The following GTF2E2 variants were observed in gnomAD, a reference collection of about 807,000 sequenced individuals.
GTF2E2 encodes general transcription factor IIE subunit 2.
Under a neutral mutation model 40.5 loss-of-function variants are expected in GTF2E2, and 21 were observed. The observed-to-expected ratio is 0.52, with a 90% CI of 0.37 to 0.75. The LOEUF (loss-of-function observed/expected upper bound fraction) is 0.75, where lower values mean the gene tolerates loss of function less well. Among genes scored for constraint, GTF2E2 ranks in the 30% least tolerant of loss-of-function variants. The probability of loss-of-function intolerance (pLI) is 0.00; values close to 1 mark genes in which losing one functional copy is unlikely to be tolerated. For missense variants in GTF2E2, 298 were observed against 338.4 expected (o/e 0.88, Z 0.94); for synonymous variants, 117 against 121.6 (o/e 0.96, Z 0.25).
At chr8:30,624,966 T>C (rs1223460426) in intron 3 of GTF2E2, among the ~76,000 whole-genome samples, 1 of 55,060 alleles carries the variant, frequency 1.8e-5, no homozygotes. Flanking sequence ...AGGGACAATT[T>C]GACTTCCTCT....
chr8:30,601,177 G>A (rs1264554215), intron 6 of GTF2E2, among the ~76,000 whole-genome samples: 1 of 152,140 alleles, frequency 6.6e-6, no homozygotes, highest in Non-Finnish European at 1.5e-5. Flanking sequence ...AGCACCGTGT[G>A]AACACCAAAA....
intron 6 of GTF2E2, among the ~76,000 whole-genome samples, chr8:30,602,871 G>A (rs1483007794): frequency 6.6e-6 from 1 of 151,686 alleles, no homozygotes; most frequent in East Asian, 1.9e-4. Flanking sequence ...CTGGATACTC[G>A]CCTTACAGTC....
chr8:30,635,107 T>C lies in GTF2E2; in HGVS notation c.183A>G (p.Ser61=), dbSNP rs1312531103. 1.3e-6 allele frequency: 2 copies of C among 1,599,716 alleles called. No homozygotes were observed. The change falls in exon 3 of 8, where the codon TCA becomes TCG. Residue 61 remains serine, a synonymous_variant. Transcript: ENST00000355904. ...TTCCTGACAAAGCTTTCAAGTTAAA[T>C]GATCCATTGCTATGATCTGCAAATG... ...SKQNSDHSNG[S]FNLKALSGSS...
intron 1 of GTF2E2, among the ~76,000 whole-genome samples, chr8:30,654,206 GT>G (rs1802383355): frequency 1.3e-5 from 2 of 151,964 alleles, no homozygotes; most frequent in Admixed American, 6.6e-5. Flanking sequence ...CATGTGAAAT[GT>G]GGCTAGTTAA....
At chr8:30,642,970 T>C (rs1391271648) in intron 2 of GTF2E2, among the ~76,000 whole-genome samples, 3 of 152,170 alleles carry the variant, frequency 2.0e-5, no homozygotes, top group Non-Finnish European at 4.4e-5. Flanking sequence ...TTTTTGGAAA[T>C]GGGAGTTTCA....
chr8:30,613,087 C>A (rs1829526001), intron 4 of GTF2E2, among the ~76,000 whole-genome samples: 1 of 152,154 alleles, frequency 6.6e-6, no homozygotes, highest in South Asian at 2.1e-4. Context: ...AAGCTGAACC[C>A]ATATTCTTCT....
At chr8:30,632,433 T>C (rs557724802) in intron 3 of GTF2E2, among the ~76,000 whole-genome samples, 64 of 152,304 alleles carry the variant, frequency 4.2e-4, no homozygotes, top group African/African-American at 1.4e-3. Flanking sequence ...GCTAGTTGGT[T>C]TGACAATGGA....
chr8:30,624,637 G>C (rs1226713283), intron 3 of GTF2E2, among the ~76,000 whole-genome samples: 3 of 151,746 alleles, frequency 2.0e-5, no homozygotes, highest in African/African-American at 7.3e-5. Context: ...ATTCTTCCTA[G>C]CCATGAGCAT....
chr8:30,581,995 AGACT>A (rs1828527593), intron 6 of GTF2E2, among the ~76,000 whole-genome samples: 2 of 152,194 alleles, frequency 1.3e-5, no homozygotes, highest in South Asian at 2.1e-4. Flanking sequence ...TAGACAAGAC[AGACT>A]GTTTTCTTTT....
chr8:30,645,150 A>G (rs1802019962), intron 2 of GTF2E2: 9 of 806,794 alleles, frequency 1.1e-5, no homozygotes, highest in Non-Finnish European at 1.7e-5. Context: ...AAAATTCAAA[A>G]CTACCATTTA....
intron 3 of GTF2E2, among the ~76,000 whole-genome samples, chr8:30,622,992 T>C (rs1349214616): frequency 6.6e-6 from 1 of 152,030 alleles, no homozygotes; most frequent in Non-Finnish European, 1.5e-5. Context: ...ACATACATCC[T>C]CCTCAGCTGA....
rs1828422312 is a variant in GTF2E2 at position 30,578,592 on chromosome 8, G to A, written c.*329C>T. Reference sequence around the variant, plus strand: ...ACAAATATTGCATTCAAGACTATGGGCAAACTTGCTCTAAAGTAACAAACG... The same window carrying A: ...ACAAATATTGCATTCAAGACTATGGACAAACTTGCTCTAAAGTAACAAACG... On this transcript the variant is annotated 3_prime_UTR_variant, in exon 8 of 8. Transcript: ENST00000355904. 1.1e-5 allele frequency: 2 copies of A among 183,070 alleles called. No homozygotes were observed. The highest frequency in any genetic ancestry group is 1.4e-4 in the East Asian group (1 of 7,002). The allele number at this position is 183,070 out of a possible 1,614,324, so 11.3% of individuals were successfully genotyped here. A position where few individuals can be genotyped will look rare whatever the true frequency, so the allele number is the denominator to read the frequency against.
rs1174401297 is a variant in GTF2E2, at chr8:30,653,622, G to A, written c.-4-20C>T. The A allele has an allele frequency of 1.3e-6, 2 of 1,580,806 alleles. No homozygotes were observed. Among genetic ancestry groups the A allele is most frequent in the East Asian group, 2.2e-5 (1 of 44,610 alleles). On this transcript the variant is annotated intron_variant, in intron 1 of 7. Coordinates refer to ENST00000355904, the MANE Select transcript of GTF2E2 (RefSeq NM_002095.6). ...ATAATGCTACAAAGAAAAAATAAGT[G>A]TCTTTAATACAAATTCAAGTCACTC...
intron 6 of GTF2E2, among the ~76,000 whole-genome samples, chr8:30,584,244 C>T (rs1386586463): frequency 3.3e-5 from 5 of 150,694 alleles, no homozygotes; most frequent in African/African-American, 9.8e-5. Context: ...CACTTTCTGG[C>T]GGTACTAAAA....
intron 3 of GTF2E2, 37 bp from the exon 4 acceptor site, chr8:30,614,752 C>A: frequency 8.4e-7 from 1 of 1,187,282 alleles, no homozygotes; most frequent in Non-Finnish European, 1.3e-6. Flanking sequence ...AAGACAGTTT[C>A]AAAATGCTAG....
chr8:30,630,820 A>T (rs1801418654), intron 3 of GTF2E2, among the ~76,000 whole-genome samples: 1 of 152,174 alleles, frequency 6.6e-6, no homozygotes, highest in Admixed American at 6.5e-5. Context: ...CAAAGAGTTT[A>T]AAATATTTTG....
At chr8:30,588,740 G>A (rs1174650113) in intron 6 of GTF2E2, among the ~76,000 whole-genome samples, 1 of 152,178 alleles carries the variant, frequency 6.6e-6, no homozygotes, top group Non-Finnish European at 1.5e-5. Flanking sequence ...TGGGACACAA[G>A]CCAAGAAATT....
chr8:30,639,293 A>G (rs764678133), intron 2 of GTF2E2, among the ~76,000 whole-genome samples: 1 of 152,178 alleles, frequency 6.6e-6, no homozygotes, highest in Non-Finnish European at 1.5e-5. Context: ...AGACTTCCTT[A>G]ACATTTAATT....
At chr8:30,605,387 A>G (rs1829291913) in intron 6 of GTF2E2, among the ~76,000 whole-genome samples, 1 of 152,244 alleles carries the variant, frequency 6.6e-6, no homozygotes, top group Non-Finnish European at 1.5e-5. Context: ...ACAATAGCAT[A>G]AGCATATTAT....
Sources: allele counts gnomAD v4.1 joint callset (sites outside exome capture counted in the v4.1 genomes callset), GRCh38; gene constraint gnomAD v4.1.1; transcripts MANE v1.5; gene names NCBI Gene and HGNC (gene_info 2026-07-23, HGNC 2026-07-21).